The following GAD2 variants were observed in gnomAD, a reference collection of about 807,000 sequenced individuals.
The protein encoded by GAD2 is glutamate decarboxylase 2.
GAD2 carries 22 observed loss-of-function variants against 80.1 expected under a neutral mutation model. That is an observed-to-expected ratio of 0.27 (90% CI 0.20 to 0.39). The LOEUF is 0.39. Among genes scored for constraint, GAD2 ranks in the 10% least tolerant of loss-of-function variants. The probability of loss-of-function intolerance (pLI) is 1.00; values close to 1 mark genes in which losing one functional copy is unlikely to be tolerated. For synonymous variants in GAD2, 274 were observed against 256.9 expected (o/e 1.07, Z -0.64); for missense variants, 624 against 738.4 (o/e 0.85, Z 1.80).
chr10:26,265,296 C>A (rs546389865), intron 8 of GAD2, among the ~76,000 whole-genome samples: 3 of 151,642 alleles, frequency 2.0e-5, no homozygotes, highest in African/African-American at 7.3e-5. Flanking sequence ...CTCCACCTCC[C>A]GGGTTCAAGC....
intron 6 of GAD2, among the ~76,000 whole-genome samples, chr10:26,228,195 G>C (rs1440772141): frequency 6.6e-6 from 1 of 152,144 alleles, no homozygotes; most frequent in Non-Finnish European, 1.5e-5. Context: ...ATATTAATTT[G>C]CATTCATAAC....
intron 15 of GAD2, among the ~76,000 whole-genome samples, chr10:26,296,498 G>A (rs1195980101): frequency 6.6e-6 from 1 of 152,160 alleles, no homozygotes; most frequent in African/African-American, 2.4e-5. Context: ...TGTGCTTCCT[G>A]CTGCTCTGTC....
At chr10:26,223,434 C>T (rs967059470) in intron 4 of GAD2, among the ~76,000 whole-genome samples, 4 of 151,982 alleles carry the variant, frequency 2.6e-5, no homozygotes, top group East Asian at 1.9e-4. Context: ...ATGGTATGAC[C>T]GATTCTCAGA....
At chr10:26,216,752 C>T, upstream of GAD2, 1 of 1,516,014 alleles carries the variant, frequency 6.6e-7, no homozygotes, top group Non-Finnish European at 9.1e-7. The surrounding 1 kb of genome is among the most constrained non-coding windows in gnomAD (Gnocchi z 4.7). Flanking sequence ...GGGCCAAGCC[C>T]GAGGCAGCTC....
At chr10:26,221,805 C>G (rs925305664) in intron 4 of GAD2, among the ~76,000 whole-genome samples, 1 of 152,242 alleles carries the variant, frequency 6.6e-6, no homozygotes, top group Non-Finnish European at 1.5e-5. Context: ...TGTGTGGCCA[C>G]CCAATGGCTG....
At chr10:26,230,962 C>A (rs1012983874) in intron 7 of GAD2, among the ~76,000 whole-genome samples, 1 of 151,986 alleles carries the variant, frequency 6.6e-6, no homozygotes, top group Non-Finnish European at 1.5e-5. Flanking sequence ...AGGTGGTAGG[C>A]AACTGTAATC....
intron 6 of GAD2, among the ~76,000 whole-genome samples, chr10:26,225,180 CA>C (rs1242206156): frequency 6.6e-6 from 1 of 152,140 alleles, no homozygotes; most frequent in African/African-American, 2.4e-5. Context: ...TTTCTTAGAG[CA>C]AAAATAGAGG....
At chr10:26,221,444 G>A (rs187417861) in intron 4 of GAD2, among the ~76,000 whole-genome samples, 28 of 152,332 alleles carry the variant, frequency 1.8e-4, no homozygotes, top group Non-Finnish European at 3.7e-4. Flanking sequence ...AGAATAATTT[G>A]CATTTGCAGA....
chr10:26,219,094 A>T lies in GAD2; in HGVS notation c.338A>T (p.Asp113Val). 2 of 1,606,152 alleles carry T rather than the reference A, an allele frequency of 1.2e-6. No homozygotes were observed. The highest frequency in any genetic ancestry group is 1.7e-6 in the Non-Finnish European group (2 of 1,176,198). ...GERPTLAFLQ[D>V]VMNILLQYVV... The stretch of plus-strand genomic sequence containing the variant: ...AGGCCCACTTTGGCGTTTCTGCAAG[A>T]TGTTATGAACATTTTACTTCAGTAT... Residue 113 changes from aspartate (D) to valine (V), a missense_variant, in exon 4 of 16, where the codon GAT becomes GTT. By Grantham distance (152) the Asp-to-Val change is radical. Coordinates refer to ENST00000376261, the MANE Select transcript of GAD2 (RefSeq NM_001134366.2).
intron 8 of GAD2, among the ~76,000 whole-genome samples, 173 bp from the exon 9 acceptor site, chr10:26,268,946 T>C (rs1015915082): frequency 3.9e-5 from 6 of 152,228 alleles, no homozygotes; most frequent in Admixed American, 3.9e-4. Flanking sequence ...ATGATAGTCA[T>C]GCCTCATCCA....
intron 8 of GAD2, among the ~76,000 whole-genome samples, chr10:26,263,929 T>A (rs903012179): frequency 1.3e-5 from 2 of 152,166 alleles, no homozygotes; most frequent in Non-Finnish European, 2.9e-5. Flanking sequence ...CCTGAAAAGT[T>A]TTTTTGTTAA....
At position 26,259,237 on chromosome 10, in the gene GAD2, T is replaced by C. The variant is rs546351069; in HGVS notation, c.921-9882T>C. Among the ~76,000 whole-genome samples the C allele has an allele frequency of 6.6e-5, 10 of 152,344 alleles. No homozygotes were observed. In the South Asian group the frequency reaches 2.1e-3, roughly 32 times the overall value. ...GATACCTAACAGTTGAATTGCTGGATCACATGGTAATTCTATCTTTAATTT... is the reference window on the plus strand; with the variant it reads ...GATACCTAACAGTTGAATTGCTGGACCACATGGTAATTCTATCTTTAATTT... On this transcript the variant is annotated intron_variant, in intron 8 of 15. Transcript: ENST00000376261.
intron 10 of GAD2, among the ~76,000 whole-genome samples, chr10:26,271,824 A>C (rs1490546799): frequency 6.6e-6 from 1 of 151,744 alleles, no homozygotes; most frequent in African/African-American, 2.4e-5. Flanking sequence ...CAGTGGCGTG[A>C]TCTTAGCTCA....
chr10:26,242,646 A>G (rs1245847438), intron 7 of GAD2, among the ~76,000 whole-genome samples: 1 of 151,782 alleles, frequency 6.6e-6, no homozygotes, highest in African/African-American at 2.4e-5. Flanking sequence ...TTTGCTACCT[A>G]ATTTTCTTTT....
chr10:26,235,895 G>A (rs373863956), intron 7 of GAD2, among the ~76,000 whole-genome samples: 44 of 152,174 alleles, frequency 2.9e-4, no homozygotes, highest in African/African-American at 5.5e-4. Flanking sequence ...AATATCTTCC[G>A]CGAAACAGCA....
At chr10:26,272,155 A>G (rs763095372) in intron 10 of GAD2, among the ~76,000 whole-genome samples, 9 of 152,098 alleles carry the variant, frequency 5.9e-5, no homozygotes, top group Non-Finnish European at 8.8e-5. Context: ...GCAATCACCA[A>G]TGTTCTTTAT....
intron 8 of GAD2, among the ~76,000 whole-genome samples, chr10:26,247,823 T>C (rs1184042058): frequency 2.2e-5 from 3 of 134,982 alleles, no homozygotes; most frequent in South Asian, 2.2e-4. Context: ...TTGAACCCAG[T>C]AGGCAGAGGT....
At chr10:26,269,850 TTGTTTTAC>T (rs1488661124) in intron 9 of GAD2, among the ~76,000 whole-genome samples, 1 of 152,234 alleles carries the variant, frequency 6.6e-6, no homozygotes, top group African/African-American at 2.4e-5. Context: ...TCGTTTGGTT[TTGTTTTAC>T]TAAGTGGCAG....
intron 8 of GAD2, among the ~76,000 whole-genome samples, chr10:26,266,576 A>T (rs931183886): frequency 6.6e-6 from 1 of 152,230 alleles, no homozygotes; most frequent in Admixed American, 6.5e-5. Flanking sequence ...GGTCCTAAGT[A>T]GAGAAAACAA....
Sources: allele counts gnomAD v4.1 joint callset (sites outside exome capture counted in the v4.1 genomes callset), GRCh38; gene constraint gnomAD v4.1.1; non-coding constraint Gnocchi (gnomAD v3.1); transcripts MANE v1.5; gene names NCBI Gene and HGNC (gene_info 2026-07-23, HGNC 2026-07-21).